ADAM19: variants seen among roughly 807,000 people sequenced by gnomAD.
ADAM19 encodes disintegrin and metalloproteinase domain-containing protein 19.
ADAM19 carries 65 observed loss-of-function variants against 114.7 expected under a neutral mutation model. The observed-to-expected ratio is 0.57, with a 90% CI of 0.46 to 0.70. ADAM19 has a LOEUF of 0.70. ADAM19 is among the 30% of genes least tolerant of loss of function. ADAM19 has a pLI of 0.00. For missense variants in ADAM19, 1,063 were observed against 1,204.7 expected, an observed-to-expected ratio of 0.88 and a Z score of 1.74; for synonymous variants, 466 against 460.5, an observed-to-expected ratio of 1.01 and a Z score of -0.15.
At chr5:157,535,581 T>G (rs1213304366) in intron 4 of ADAM19, among the ~76,000 whole-genome samples, 1 of 152,240 alleles carries the variant, frequency 6.6e-6, no homozygotes, top group African/African-American at 2.4e-5. Context: ...AGCTAGGATG[T>G]GCTTCAGTCA....
chr5:157,529,480 C>G (rs1330603494), intron 5 of ADAM19, among the ~76,000 whole-genome samples: 1 of 152,142 alleles, frequency 6.6e-6, no homozygotes, highest in Non-Finnish European at 1.5e-5. Context: ...AAGGAACACA[C>G]ATTCTCAGGT....
At chr5:157,493,809 C>T (rs1028433802) in intron 15 of ADAM19, among the ~76,000 whole-genome samples, 5 of 152,332 alleles carry the variant, frequency 3.3e-5, no homozygotes, top group Non-Finnish European at 7.3e-5. Flanking sequence ...CAGACCTTCT[C>T]CTTTGCACCC....
rs1162628933 is a variant in ADAM19 at position 157,480,610 on chromosome 5, G to A, written c.*339C>T. ...GCTTCTGCAAGCGAAGTGCTGGCCT[G>A]AGGGGCTTGCTGGCCTTGAGCATCT... On this transcript the variant is annotated 3_prime_UTR_variant, in exon 23 of 23. Transcript: ENST00000257527. 7.0e-6 allele frequency: 8 copies of A among 1,140,218 alleles called. No individual in the cohort carries two copies. The highest frequency in any genetic ancestry group is 8.7e-6 in the Non-Finnish European group (8 of 924,848). The allele number at this position is 1,140,218 out of a possible 1,614,324, so 70.6% of individuals were successfully genotyped here. A position where few individuals can be genotyped will look rare whatever the true frequency, so the allele number is the denominator to read the frequency against.
chr5:157,574,425 C>A (rs568982110), intron 1 of ADAM19, among the ~76,000 whole-genome samples: 1 of 152,328 alleles, frequency 6.6e-6, no homozygotes, highest in South Asian at 2.1e-4. Context: ...GGAACAACAG[C>A]TCAAAGGGCG....
chr5:157,507,532 C>T (rs1755784853), intron 9 of ADAM19, among the ~76,000 whole-genome samples: 1 of 152,144 alleles, frequency 6.6e-6, no homozygotes, highest in Non-Finnish European at 1.5e-5. Flanking sequence ...TGAATCATGC[C>T]CACTTCCACC....
chr5:157,507,103 G>A lies in ADAM19; in HGVS notation c.943C>T (p.Pro315Ser), dbSNP rs146355862. The A allele has an allele frequency of 2.1e-4, 334 of 1,614,050 alleles. 1 individual carries two copies. Among genetic ancestry groups the A allele is most frequent in the Admixed American group, 4.0e-4 (24 of 60,010 alleles). The change falls in exon 10 of 23, where the codon CCC becomes TCC. Residue 315 changes from proline to serine, a missense_variant. By Grantham distance (74) the Pro-to-Ser change is moderately conservative. This residue lies in a region of ADAM19 where 615 missense variants were observed against 706.3 expected (regional missense o/e 0.87). Coordinates refer to ENST00000257527, the MANE Select transcript of ADAM19 (RefSeq NM_033274.5). ...TACACAGAGCACATGGCCATGAGGG[G>A]GGCCAGGCCGATGGTGGTGCCGTGG... ...SFHGTTIGLA[P>S]LMAMCSVYQS...
rs1160028181 is a variant in ADAM19, at chr5:157,518,862, C to T, written c.627G>A (p.Met209Ile). The change falls in exon 7 of 23, where the codon ATG (methionine) becomes ATA (isoleucine). Residue 209 changes from methionine (M) to isoleucine (I), a missense_variant. Around this residue, in one of 3 missense-constraint regions of ADAM19, gnomAD observed 615 missense variants for 706.3 expected, o/e 0.87. Coordinates refer to ENST00000257527, the MANE Select transcript of ADAM19 (RefSeq NM_033274.5). Reference sequence around the variant, plus strand: ...CCACGAGGTAAAGCTCCACATACTTCATGGAGTTTAAATCTTCCCTTTTCA... The same window carrying T: ...CCACGAGGTAAAGCTCCACATACTTTATGGAGTTTAAATCTTCCCTTTTCA... ...RRMKREDLNS[M>I]KYVELYLVAD... 6.2e-7 allele frequency: 1 copy of T among 1,614,092 alleles called. No homozygotes were observed. The highest frequency in any genetic ancestry group is 2.2e-5 in the East Asian group (1 of 44,882).
chr5:157,518,946 A>G, intron 6 of ADAM19, 58 bp from the exon 7 acceptor site: 1 of 1,432,354 alleles, frequency 7.0e-7, no homozygotes. Context: ...TCATTTTTAA[A>G]AAACTGCTAA....
chr5:157,553,253 T>C (rs1757254041), intron 3 of ADAM19, among the ~76,000 whole-genome samples: 1 of 152,200 alleles, frequency 6.6e-6, no homozygotes, highest in South Asian at 2.1e-4. Flanking sequence ...GATGTGCTTA[T>C]TTCACATTGC....
intron 1 of ADAM19, among the ~76,000 whole-genome samples, chr5:157,574,729 G>GC (rs1253567638): frequency 6.6e-6 from 1 of 152,174 alleles, no homozygotes; most frequent in African/African-American, 2.4e-5. Context: ...TCTGCTTATA[G>GC]CCCCCGAGGG....
At chr5:157,492,422 T>TTA (rs1301498859) in intron 16 of ADAM19, among the ~76,000 whole-genome samples, 1 of 152,220 alleles carries the variant, frequency 6.6e-6, no homozygotes, top group African/African-American at 2.4e-5. Context: ...ACTTTTGTGA[T>TTA]TAGGGAGAAA....
Position 157,479,696 on chromosome 5 carries a change from A to C in ADAM19, c.*1253T>G, listed in dbSNP as rs987049511. 5 of 985,980 alleles carry C rather than the reference A, an allele frequency of 5.1e-6. No individual in the cohort carries two copies. The African/African-American group carries it at 8.7e-5, about 17-fold the overall frequency. The allele number at this position is 985,980 out of a possible 1,614,324, so 61.1% of individuals were successfully genotyped here. A position where few individuals can be genotyped will look rare whatever the true frequency, so the allele number is the denominator to read the frequency against. On this transcript the variant is annotated 3_prime_UTR_variant, in exon 23 of 23. Transcript: ENST00000257527. ...GAATGACAAAAAGCTGGGTTGAGGA[A>C]GAGGCTCCCTGCTCTGACTGTTCCA...
intron 3 of ADAM19, among the ~76,000 whole-genome samples, chr5:157,552,315 A>G (rs561246562): frequency 3.7e-4 from 56 of 152,314 alleles, no homozygotes; most frequent in African/African-American, 1.3e-3. Flanking sequence ...TCATGCTACC[A>G]TATGATCCAG....
chr5:157,508,384 G>A (rs1297665796), intron 9 of ADAM19, among the ~76,000 whole-genome samples: 4 of 152,138 alleles, frequency 2.6e-5, no homozygotes, highest in African/African-American at 7.2e-5. Context: ...CGAGGCGGGC[G>A]GATCACTTGA....
At chr5:157,504,597 T>C (rs1755678849) in intron 11 of ADAM19, among the ~76,000 whole-genome samples, 1 of 152,054 alleles carries the variant, frequency 6.6e-6, no homozygotes, top group African/African-American at 2.4e-5. Flanking sequence ...TTTAAAAAAT[T>C]GACACCAGAG....
intron 12 of ADAM19, among the ~76,000 whole-genome samples, 196 bp from the exon 13 acceptor site, chr5:157,499,858 A>C (rs1257196425): frequency 6.7e-6 from 1 of 148,430 alleles, no homozygotes; most frequent in Admixed American, 6.8e-5. Context: ...GGGTCACTGC[A>C]ACCTCTGCTT....
intron 5 of ADAM19, among the ~76,000 whole-genome samples, chr5:157,524,852 G>A (rs1479490522): frequency 1.3e-5 from 2 of 152,190 alleles, no homozygotes; most frequent in African/African-American, 4.8e-5. Flanking sequence ...AACCAAAGCA[G>A]CATTTTAAAA....
chr5:157,537,144 C>A (rs1756789795), intron 4 of ADAM19, among the ~76,000 whole-genome samples: 1 of 152,222 alleles, frequency 6.6e-6, no homozygotes. Context: ...TGCCTGCAAA[C>A]ATTGCCAGGT....
intron 5 of ADAM19, among the ~76,000 whole-genome samples, chr5:157,522,846 C>T (rs1756341565): frequency 6.6e-6 from 1 of 152,146 alleles, no homozygotes; most frequent in Non-Finnish European, 1.5e-5. Flanking sequence ...CTACAGATGG[C>T]TCCAGTGATG....
Sources: allele counts gnomAD v4.1 joint callset (sites outside exome capture counted in the v4.1 genomes callset), GRCh38; gene constraint gnomAD v4.1.1; regional missense constraint gnomAD v4.1.1; transcripts MANE v1.5; gene names NCBI Gene and HGNC (gene_info 2026-07-23, HGNC 2026-07-21).